PAQR5: variants seen among roughly 807,000 people sequenced by gnomAD.
PAQR5 encodes the protein membrane progestin receptor gamma.
PAQR5 carries 20 observed loss-of-function variants against 34.5 expected under a neutral mutation model. The ratio of observed to expected loss-of-function variants is 0.58; its 90% CI spans 0.41 to 0.84. The LOEUF is 0.84. Ranked by LOEUF, PAQR5 falls within the 40% of genes least tolerant of loss-of-function variation. The probability of loss-of-function intolerance (pLI) is 0.00; values close to 1 mark genes in which losing one functional copy is unlikely to be tolerated. For missense variants in PAQR5, 378 were observed against 412.7 expected (o/e 0.92, Z 0.73); for synonymous variants, 131 against 155.6 (o/e 0.84, Z 1.18).
At chr15:69,313,595 A>G (rs1442559532) in intron 1 of PAQR5, among the ~76,000 whole-genome samples, 1 of 152,196 alleles carries the variant, frequency 6.6e-6, no homozygotes, top group East Asian at 1.9e-4. Flanking sequence ...GAAAAAAGGA[A>G]GAGCTCGAGC....
chr15:69,391,903 G>A (rs1313946994), intron 6 of PAQR5: 3 of 382,802 alleles, frequency 7.8e-6, no homozygotes, highest in African/African-American at 2.1e-5. Context: ...CTAAAAATAC[G>A]AAAGTTAGCT....
intron 1 of PAQR5, among the ~76,000 whole-genome samples, chr15:69,327,962 G>A (rs1184021708): frequency 6.6e-6 from 1 of 151,864 alleles, no homozygotes; most frequent in African/African-American, 2.4e-5. Context: ...TGTATTTTTA[G>A]TAGAGACAGG....
rs879755200 is a variant in PAQR5 at position 69,300,578 on chromosome 15, TTTCTTTCTTTCC to T, written c.-277+1534_-277+1545del. Among the ~76,000 whole-genome samples, 247 of 83,428 alleles carry T rather than the reference TTTCTTTCTTTCC, an allele frequency of 3.0e-3. 6 individuals carry two copies. The highest frequency in any genetic ancestry group is 7.5e-3 in the Middle Eastern group (1 of 134). The allele number at this position is 83,428 out of a possible 152,430, so 54.7% of individuals were successfully genotyped here. A position where few individuals can be genotyped will look rare whatever the true frequency, so the allele number is the denominator to read the frequency against. On this transcript the variant is annotated intron_variant, in intron 1 of 8. Coordinates refer to ENST00000395407, the MANE Select transcript of PAQR5 (RefSeq NM_017705.4). ...GTATGCTTTTCTTTCTTTCTCTTTCTTTCTTTCTTTCCTTCTTTCTTTCTTTCTTTCTTTCTT... is the reference window on the plus strand; with the variant it reads ...GTATGCTTTTCTTTCTTTCTCTTTCTTTCTTTCTTTCTTTCTTTCTTTCTT...
At chr15:69,311,058 A>G (rs2053824332) in intron 1 of PAQR5, among the ~76,000 whole-genome samples, 1 of 150,536 alleles carries the variant, frequency 6.6e-6, no homozygotes, top group African/African-American at 2.4e-5. Flanking sequence ...AAAAAAAAAA[A>G]AAAAAAAGAA....
chr15:69,348,500 G>A (rs2054829584), intron 2 of PAQR5, among the ~76,000 whole-genome samples: 1 of 152,188 alleles, frequency 6.6e-6, no homozygotes. Flanking sequence ...GATGAGACAG[G>A]CAGGCGAGGT....
At chr15:69,330,729 G>C (rs1057291004) in intron 1 of PAQR5, among the ~76,000 whole-genome samples, 2 of 152,190 alleles carry the variant, frequency 1.3e-5, no homozygotes, top group Non-Finnish European at 2.9e-5. Flanking sequence ...AGGAATGCTT[G>C]GGGAGACTTA....
At position 69,403,721 on chromosome 15, in the gene PAQR5, GC is replaced by G. The variant is rs777267582; in HGVS notation, c.894del (p.Ile299TyrfsTer12). The G allele has an allele frequency of 3.1e-6, 5 of 1,614,072 alleles. No individual in the cohort carries two copies. The African/African-American group carries it at 6.7e-5, about 22-fold the overall frequency. ...CTTCTCTTTCTCTCAGATAGCTGGA[GC>G]CATACTTCTGTGCATCATCTTCAGC... ...KPFSFSQIAGAILLCIIFSLS... is the reference protein window; with the variant it reads ...KPFSFSQIAGXILLCIIFSLS... On this transcript the variant is annotated frameshift_variant, in exon 9 of 9. Transcript: ENST00000395407. LOFTEE classifies it high-confidence loss of function.
In PAQR5 at chr15:69,397,478, A is replaced by T. The variant is rs1215373967; in HGVS notation, c.523A>T (p.Ile175Phe). Residue 175 changes from isoleucine (I) to phenylalanine (F), a missense_variant, in exon 7 of 9, where the codon ATC (isoleucine) becomes TTC (phenylalanine). Ile to Phe is a conservative substitution (Grantham distance 21, BLOSUM62 0). Coordinates refer to ENST00000395407, the MANE Select transcript of PAQR5 (RefSeq NM_017705.4). Reference sequence around the variant, plus strand: ...CCTTCCCTGATTTAGGTTTCTTGAAATCCAGAAGCCCAGACTCTGTAAGGT... The same window carrying T: ...CCTTCCCTGATTTAGGTTTCTTGAATTCCAGAAGCCCAGACTCTGTAAGGT... The part of the protein sequence containing the change: ...GLSCYSRFLE[I>F]QKPRLCKVIR... 1 of 1,612,822 alleles carries T rather than the reference A, an allele frequency of 6.2e-7. No homozygotes were observed. Among genetic ancestry groups the T allele is most frequent in the Non-Finnish European group, 8.5e-7 (1 of 1,178,808 alleles).
rs75550209 is a variant in PAQR5 at position 69,317,569 on chromosome 15, A to G, written c.-277+18513A>G. On this transcript the variant is annotated intron_variant, in intron 1 of 8. Coordinates refer to ENST00000395407, the MANE Select transcript of PAQR5 (RefSeq NM_017705.4). The stretch of plus-strand genomic sequence containing the variant: ...TGTGAGGTGTGCTCTTTGGGTAATG[A>G]TTACGTGAAATGGCTCACCTACAGC... Among the ~76,000 whole-genome samples, 532 of 152,166 alleles carry G rather than the reference A, an allele frequency of 3.5e-3. 4 individuals are homozygous for G. The highest frequency in any genetic ancestry group is 0.012 in the African/African-American group (518 of 41,514).
At position 69,389,745 on chromosome 15, in the gene PAQR5, C is replaced by A; in HGVS notation, c.477C>A (p.Asn159Lys). The A allele has an allele frequency of 6.2e-7, 1 of 1,614,176 alleles. No individual in the cohort carries two copies. Among genetic ancestry groups the A allele is most frequent in the Non-Finnish European group, 8.5e-7 (1 of 1,180,012 alleles). ...ACTACGTGGCCCTGGCTGTACTGAA[C>A]ACCATCCTCAGCACAGGCCTCTCCT... Reference protein sequence around the residue: ...HDYYVALAVLNTILSTGLSCY... With the variant: ...HDYYVALAVLKTILSTGLSCY... Residue 159 changes from asparagine to lysine, a missense_variant, in exon 6 of 9, where the codon AAC (asparagine) becomes AAA (lysine). By Grantham distance (94) the Asn-to-Lys change is moderately conservative. Transcript: ENST00000395407.
At chr15:69,382,928 G>C (rs547995248) in intron 4 of PAQR5, 2 of 150,864 alleles carry the variant, frequency 1.3e-5, no homozygotes, top group African/African-American at 4.9e-5. Flanking sequence ...GGACAGATTT[G>C]AGCCAATGAA....
intron 4 of PAQR5, among the ~76,000 whole-genome samples, chr15:69,381,809 A>G (rs1176469235): frequency 6.6e-6 from 1 of 152,246 alleles, no homozygotes; most frequent in African/African-American, 2.4e-5. Context: ...CCGCTGGGAC[A>G]AAATTAAAAA....
In PAQR5 at chr15:69,356,066, A is replaced by G. The variant is rs80340890; in HGVS notation, c.-115-3900A>G. ...TACCCCTTATTTTTGCATGGCTAAT[A>G]TGGTCATCCTACCTAAATAGTGTGA... On this transcript the variant is annotated intron_variant, in intron 2 of 8. Coordinates refer to ENST00000395407, the MANE Select transcript of PAQR5 (RefSeq NM_017705.4). Among the ~76,000 whole-genome samples the G allele has an allele frequency of 3.2e-3, 491 of 152,332 alleles. 4 individuals are homozygous for G. The highest frequency in any genetic ancestry group is 0.012 in the African/African-American group (480 of 41,574).
At chr15:69,310,158 A>C (rs1217515141) in intron 1 of PAQR5, among the ~76,000 whole-genome samples, 1 of 152,156 alleles carries the variant, frequency 6.6e-6, no homozygotes, top group Non-Finnish European at 1.5e-5. Context: ...TTTTTTGGAC[A>C]TGGAGGCAGT....
Position 69,385,451 on chromosome 15 carries a change from T to A in PAQR5, c.385+569T>A, listed in dbSNP as rs2056079746. Among the ~76,000 whole-genome samples the A allele has an allele frequency of 6.6e-6, 1 of 152,146 alleles. No homozygotes were observed. The highest frequency in any genetic ancestry group is 1.5e-5 in the Non-Finnish European group (1 of 68,028). On this transcript the variant is annotated intron_variant, in intron 5 of 8. Transcript: ENST00000395407. This position sits in a 1 kb window ranked among gnomAD's most constrained non-coding sequence, Gnocchi z 4.7. ...TCATGAGCCTCGTATATCCAGAGGC[T>A]TAGCACAATCAGAGAGATGCTCAGA...
chr15:69,388,220 A>C (rs2056165511), intron 5 of PAQR5, among the ~76,000 whole-genome samples: 1 of 152,122 alleles, frequency 6.6e-6, no homozygotes, highest in Admixed American at 6.5e-5. Context: ...TTCCTCCCTC[A>C]GGCCATCCTG....
In PAQR5 at chr15:69,407,527, A is replaced by G. The variant is rs1195497892; in HGVS notation, c.*3705A>G. On this transcript the variant is annotated 3_prime_UTR_variant, in exon 9 of 9. Transcript: ENST00000395407. ...TCGGCCTCTGATTTTCTAGTCAACAATCCATTAAGGCAAAGACCTGTTTCC... is the reference window on the plus strand; with the variant it reads ...TCGGCCTCTGATTTTCTAGTCAACAGTCCATTAAGGCAAAGACCTGTTTCC... 2.0e-5 allele frequency: 3 copies of G among 152,314 alleles called. No individual in the cohort carries two copies. Among genetic ancestry groups the G allele is most frequent in the East Asian group, 1.9e-4 (1 of 5,186 alleles). 9.4% of individuals were successfully genotyped at this position (152,314 alleles called of 1,614,324 possible).
At chr15:69,304,132 G>A (rs1379910560) in intron 1 of PAQR5, among the ~76,000 whole-genome samples, 1 of 152,162 alleles carries the variant, frequency 6.6e-6, no homozygotes, top group Non-Finnish European at 1.5e-5. Context: ...TTCTGTGACT[G>A]AGGCCATTGT....
intron 1 of PAQR5, among the ~76,000 whole-genome samples, chr15:69,302,650 C>T (rs1016596043): frequency 2.6e-5 from 4 of 152,186 alleles, no homozygotes; most frequent in African/African-American, 9.7e-5. Flanking sequence ...GACCCCTGGA[C>T]TCCTCAGCAG....
Sources: gnomAD v4.1 joint callset for allele counts (sites outside exome capture counted in the v4.1 genomes callset) on GRCh38, gnomAD v4.1.1 for gene constraint, Gnocchi (gnomAD v3.1) non-coding constraint, MANE v1.5 for transcripts, NCBI Gene and HGNC (gene_info 2026-07-23, HGNC 2026-07-21) for gene names.